KLRG1: variants seen among roughly 807,000 people sequenced by gnomAD.
KLRG1 encodes killer cell lectin-like receptor subfamily G member 1.
KLRG1 carries 16 observed loss-of-function variants against 21.8 expected under a neutral mutation model. That is an observed-to-expected ratio of 0.73 (90% CI 0.50 to 1.11). KLRG1 has a LOEUF of 1.11. KLRG1 is among the 50% of genes most tolerant of loss of function. KLRG1 has a pLI of 0.00. For synonymous variants in KLRG1, 69 were observed against 75.9 expected (o/e 0.91, Z 0.47); for missense variants, 173 against 218.3 (o/e 0.79, Z 1.31).
At chr12:9,157,759 G>A in the KLRG1 span, 1 of 1,611,476 alleles carries the variant, frequency 6.2e-7, no homozygotes, top group Non-Finnish European at 8.5e-7. Context: ...GATTGAGCTG[G>A]TACCTACAGT....
the KLRG1 span, chr12:9,181,932 A>G: frequency 2.5e-6 from 4 of 1,593,358 alleles, no homozygotes; most frequent in Non-Finnish European, 3.4e-6. Flanking sequence ...CACCTACAGT[A>G]TCATTTATTT....
chr12:8,973,163 GAAAAAAAAAA>G lies in KLRG1; in HGVS notation c.-155-19026_-155-19017del, dbSNP rs59760555. ...GACAGAGCGAGACTCCATCTCAAAA[GAAAAAAAAAA>G]AAAAAAAAAAAAAAAAGAATGCCAT... On this transcript the variant is annotated intron_variant, in intron 1 of 4. Coordinates refer to the KLRG1 transcript ENST00000539240. 1.1e-3 allele frequency among the ~76,000 whole-genome samples: 104 copies of G among 97,020 alleles called. 1 individual carries two copies. Among genetic ancestry groups the G allele is most frequent in the East Asian group, 4.0e-3 (13 of 3,228 alleles). 63.6% of individuals were successfully genotyped at this position (97,020 alleles called of 152,430 possible). A position where few individuals can be genotyped will look rare whatever the true frequency, so the allele number is the denominator to read the frequency against.
At chr12:9,151,519 C>T in the KLRG1 span, 43 of 1,132,112 alleles carry the variant, frequency 3.8e-5, no homozygotes, top group African/African-American at 6.0e-4. Context: ...GATTGTTTTC[C>T]TCATGTTACC....
At chr12:8,966,937 A>G (rs1450828649) in intron 1 of KLRG1, among the ~76,000 whole-genome samples, 4 of 148,390 alleles carry the variant, frequency 2.7e-5, no homozygotes, top group African/African-American at 5.0e-5. Flanking sequence ...AACCAACCCA[A>G]ATGTCCAACA....
chr12:9,026,616 T>TG, the KLRG1 span, among the ~76,000 whole-genome samples: 2 of 152,214 alleles, frequency 1.3e-5, no homozygotes, highest in Non-Finnish European at 2.9e-5. Flanking sequence ...GTTAGTTATT[T>TG]GTATTTCCTC....
the KLRG1 span, chr12:9,197,109 T>G: frequency 6.2e-7 from 1 of 1,609,990 alleles, no homozygotes; most frequent in Non-Finnish European, 8.5e-7. Context: ...TGGGACAGGC[T>G]TCCCATAAGT....
At chr12:9,140,189 A>G in the KLRG1 span, among the ~76,000 whole-genome samples, 1 of 152,224 alleles carries the variant, frequency 6.6e-6, no homozygotes, top group Non-Finnish European at 1.5e-5. Context: ...TGAAATGGCC[A>G]TGATCCTGTC....
At chr12:9,192,252 A>G in the KLRG1 span, 4 of 1,613,838 alleles carry the variant, frequency 2.5e-6, no homozygotes, top group African/African-American at 2.7e-5. Flanking sequence ...TCCCTTAGCC[A>G]TGATCTGAAA....
At chr12:9,054,379 A>G in the KLRG1 span, among the ~76,000 whole-genome samples, 1 of 152,202 alleles carries the variant, frequency 6.6e-6, no homozygotes, top group African/African-American at 2.4e-5. Context: ...AATTTTAAAA[A>G]GGCAAATTTT....
intron 1 of KLRG1, among the ~76,000 whole-genome samples, chr12:8,961,335 T>C (rs867798664): frequency 1.4e-4 from 21 of 152,174 alleles, no homozygotes; most frequent in African/African-American, 4.8e-4. Context: ...CAGTTCTAGA[T>C]AAAAAACAGG....
chr12:8,965,997 C>A (rs750965622), intron 1 of KLRG1, among the ~76,000 whole-genome samples: 9 of 152,198 alleles, frequency 5.9e-5, no homozygotes, highest in African/African-American at 2.2e-4. Context: ...GAGATATAGA[C>A]CAATGGAACA....
At chr12:9,006,213 A>C (rs1327254746) in intron 3 of KLRG1, among the ~76,000 whole-genome samples, 1 of 152,266 alleles carries the variant, frequency 6.6e-6, no homozygotes, top group Admixed American at 6.5e-5. Flanking sequence ...AGACAGACTA[A>C]ATAAATGAAT....
At chr12:9,106,546 C>G in the KLRG1 span, 2 of 1,598,478 alleles carry the variant, frequency 1.3e-6, no homozygotes, top group Non-Finnish European at 1.7e-6. Context: ...CATACTCCTT[C>G]CTCTTCAGCT....
chr12:9,124,879 G>A, the KLRG1 span, among the ~76,000 whole-genome samples: 1 of 152,238 alleles, frequency 6.6e-6, no homozygotes, highest in African/African-American at 2.4e-5. Flanking sequence ...GATCCCGGCA[G>A]TCAGTCCCTA....
At chr12:9,020,047 A>G in the KLRG1 span, among the ~76,000 whole-genome samples, 1 of 135,116 alleles carries the variant, frequency 7.4e-6, no homozygotes, top group Middle Eastern at 3.8e-3. Context: ...TTCTTTGTAT[A>G]CATATATATA....
At chr12:8,990,507 G>A (rs1233227722) in intron 1 of KLRG1, among the ~76,000 whole-genome samples, 1 of 151,924 alleles carries the variant, frequency 6.6e-6, no homozygotes, top group African/African-American at 2.4e-5. Flanking sequence ...GCCTTAATTT[G>A]CTAAATCATT....
chr12:9,103,874 G>A, the KLRG1 span, among the ~76,000 whole-genome samples: 3 of 152,146 alleles, frequency 2.0e-5, no homozygotes, highest in Non-Finnish European at 4.4e-5. Context: ...CTATGAACAC[G>A]GGTGTGCAAA....
At chr12:9,061,014 T>C in the KLRG1 span, among the ~76,000 whole-genome samples, 1 of 152,232 alleles carries the variant, frequency 6.6e-6, no homozygotes, top group Non-Finnish European at 1.5e-5. Flanking sequence ...TTATTTCCTT[T>C]TTTCATCCGA....
chr12:9,098,640 G>A, the KLRG1 span: 1 of 1,608,484 alleles, frequency 6.2e-7, no homozygotes, highest in Admixed American at 1.7e-5. Flanking sequence ...CAGGCTTCAT[G>A]AGCAGCACGC....
Sources: gnomAD v4.1 joint callset for allele counts (sites outside exome capture counted in the v4.1 genomes callset) on GRCh38, gnomAD v4.1.1 for gene constraint, MANE v1.5 for transcripts, NCBI Gene and HGNC (gene_info 2026-07-23, HGNC 2026-07-21) for gene names.